TAF5: variants seen among roughly 807,000 people sequenced by gnomAD.
TAF5 encodes the protein TATA-box binding protein associated factor 5, also known as transcription initiation factor TFIID subunit 5.
TAF5 carries 20 observed loss-of-function variants against 80.9 expected under a neutral mutation model. The ratio of observed to expected loss-of-function variants is 0.25; its 90% CI spans 0.17 to 0.36. The LOEUF (loss-of-function observed/expected upper bound fraction) is 0.36. Among genes scored for constraint, TAF5 ranks in the 10% least tolerant of loss-of-function variants. TAF5 has a pLI of 1.00. For missense variants in TAF5, 863 were observed against 1,029.4 expected (o/e 0.84, Z 2.21); for synonymous variants, 388 against 406.4 (o/e 0.95, Z 0.55).
intron 2 of TAF5, among the ~76,000 whole-genome samples, chr10:103,375,855 T>C (rs7894768): frequency 0.43 from 65,751 of 151,504 alleles, 15,040 homozygotes; most frequent in South Asian, 0.66. Flanking sequence ...GTCAGGAGTT[T>C]GAGACCAGCC....
intron 2 of TAF5, among the ~76,000 whole-genome samples, chr10:103,377,205 T>C (rs1245817937): frequency 6.6e-6 from 1 of 152,226 alleles, no homozygotes; most frequent in South Asian, 2.1e-4. Context: ...TCTCCCCACA[T>C]AGGAAGCTGG....
intron 1 of TAF5, 61 bp from the exon 2 acceptor site, chr10:103,373,297 C>T: frequency 7.3e-7 from 1 of 1,364,064 alleles, no homozygotes; most frequent in African/African-American, 1.4e-5. Flanking sequence ...TTTAACAATA[C>T]AGCCATAGTC....
chr10:103,387,133 TCTA>T (rs2093398622), intron 8 of TAF5, 39 bp from the exon 9 acceptor site: 3 of 1,569,008 alleles, frequency 1.9e-6, no homozygotes, highest in African/African-American at 2.7e-5. Flanking sequence ...TTCACAGCTA[TCTA>T]CTAATTGTCA....
At chr10:103,384,616 A>G (rs1010052927) in intron 7 of TAF5, among the ~76,000 whole-genome samples, 4 of 152,220 alleles carry the variant, frequency 2.6e-5, no homozygotes, top group Non-Finnish European at 5.9e-5. Flanking sequence ...GGGTGATAAG[A>G]GCAAAACTCC....
At position 103,379,604 on chromosome 10, in the gene TAF5, G is replaced by A; in HGVS notation, c.1114-4G>A. On this transcript the variant is annotated splice_polypyrimidine_tract_variant and splice_region_variant and intron_variant, in intron 3 of 10. Coordinates refer to ENST00000369839, the MANE Select transcript of TAF5 (RefSeq NM_006951.5). Reference sequence around the variant, plus strand: ...TTAAAAATGTTGGCTCTTTTGACTTGTAGGTATTTTTTGGTTTATTAAAAG... The same window carrying A: ...TTAAAAATGTTGGCTCTTTTGACTTATAGGTATTTTTTGGTTTATTAAAAG... 1.3e-6 allele frequency: 2 copies of A among 1,573,994 alleles called. No individual in the cohort carries two copies. The highest frequency in any genetic ancestry group is 1.2e-5 in the South Asian group (1 of 82,992).
chr10:103,375,420 G>A (rs1592091807), intron 2 of TAF5, among the ~76,000 whole-genome samples: 1 of 152,218 alleles, frequency 6.6e-6, no homozygotes, highest in South Asian at 2.1e-4. Context: ...CTGGATAGGG[G>A]AGCCAATTCC....
In TAF5 at chr10:103,368,209, GC is replaced by G; in HGVS notation, c.224del (p.Pro75ArgfsTer69). The G allele has an allele frequency of 1.4e-6, 2 of 1,412,852 alleles. No individual in the cohort carries two copies. 87.5% of individuals were successfully genotyped at this position (1,412,852 alleles called of 1,614,324 possible). On this transcript the variant is annotated frameshift_variant, in exon 1 of 11. Transcript: ENST00000369839. LOFTEE classifies it high-confidence loss of function. ...GCCCACGGTGGCTGTCTCCGCCGCT[GC>G]CCCGGCGGGGGCGGCCCCGGTGCCC... ...PKPTVAVSAA[A>X]PAGAAPVPAA...
At chr10:103,371,288 AT>A (rs1283408012) in intron 1 of TAF5, among the ~76,000 whole-genome samples, 2 of 151,658 alleles carry the variant, frequency 1.3e-5, no homozygotes, top group Non-Finnish European at 2.9e-5. Flanking sequence ...TGAATGTTGA[AT>A]TTTGTGAATG....
In TAF5 at chr10:103,385,473, C is replaced by T. The variant is rs145434074; in HGVS notation, c.1812C>T (p.Gly604=). The T allele has an allele frequency of 1.8e-5, 29 of 1,613,812 alleles. No individual in the cohort carries two copies. The highest frequency in any genetic ancestry group is 2.5e-5 in the Non-Finnish European group (29 of 1,179,948). ...ATGGATATTATTTTGTGTCAGGGGG[C>T]CATGACCGAGTAGCTCGGTAAGAAC... The part of the protein sequence containing the change: ...SPYGYYFVSG[G]HDRVARLWAT... Residue 604 remains glycine, a synonymous_variant, in exon 8 of 11, where the codon GGC becomes GGT. Coordinates refer to ENST00000369839, the MANE Select transcript of TAF5 (RefSeq NM_006951.5).
In TAF5 at chr10:103,387,984, G is replaced by A. The variant is rs1028530067; in HGVS notation, c.2186-22G>A. 8.8e-6 allele frequency: 14 copies of A among 1,595,920 alleles called. No individual in the cohort carries two copies. In the East Asian group the frequency reaches 3.1e-4, roughly 36 times the overall value. ...GTAAATATGATGGATGCAACTAATG[G>A]TTTCCTTTGACTTCCCCTTAGGTTC... is the stretch of plus-strand genomic sequence containing the variant. On this transcript the variant is annotated intron_variant, in intron 10 of 10. Transcript: ENST00000369839.
intron 8 of TAF5, among the ~76,000 whole-genome samples, chr10:103,386,504 T>G (rs900446986): frequency 1.3e-5 from 2 of 152,174 alleles, no homozygotes; most frequent in South Asian, 4.1e-4. Flanking sequence ...AGACTAGGAA[T>G]AGAGGAGGAA....
chr10:103,381,061 GC>G (rs2093381719), intron 5 of TAF5, among the ~76,000 whole-genome samples: 1 of 150,022 alleles, frequency 6.7e-6, no homozygotes, highest in African/African-American at 2.5e-5. Flanking sequence ...TGATTCTCCT[GC>G]CTCAGCCTCC....
rs756663736 is a variant in TAF5 at position 103,387,285 on chromosome 10, C to T, written c.1940C>T (p.Ala647Val). The change falls in exon 9 of 11, where the codon GCA becomes GTA. Residue 647 changes from alanine to valine, a missense_variant. Physicochemically the swap from Ala to Val is moderately conservative, Grantham distance 64. Coordinates refer to ENST00000369839, the MANE Select transcript of TAF5 (RefSeq NM_006951.5). ...PNSNYVATGS[A>V]DRTVRLWDVL... The stretch of plus-strand genomic sequence containing the variant: ...TCTAATTATGTTGCTACGGGCTCTG[C>T]AGACAGAACTGTGCGGCTCTGGGAC... 9.9e-6 allele frequency: 16 copies of T among 1,614,044 alleles called. No individual in the cohort carries two copies. Among genetic ancestry groups the T allele is most frequent in the Admixed American group, 1.7e-5 (1 of 59,992 alleles).
In TAF5 at chr10:103,370,559, C is replaced by T. The variant is rs551666691; in HGVS notation, c.559+2011C>T. ...AGCCAGGATGGTCTCGATCTCCTGA[C>T]CTTGTGATCCACCCGCCTTGGTCTC... On this transcript the variant is annotated intron_variant, in intron 1 of 10. Transcript: ENST00000369839. Among the ~76,000 whole-genome samples the T allele has an allele frequency of 1.8e-4, 28 of 152,022 alleles. No individual in the cohort carries two copies. In the East Asian group the frequency reaches 5.5e-3, roughly 30 times the overall value.
chr10:103,368,623 T>G, intron 1 of TAF5, 75 bp downstream of exon 1: 1 of 1,404,674 alleles, frequency 7.1e-7, no homozygotes, highest in Non-Finnish European at 9.2e-7. Context: ...CTGGCAGGCC[T>G]GCACCTCTGC....
intron 6 of TAF5, among the ~76,000 whole-genome samples, chr10:103,382,637 G>T (rs1228400095): frequency 6.9e-6 from 1 of 144,546 alleles, no homozygotes; most frequent in Admixed American, 6.9e-5. Flanking sequence ...ATTTCCATAG[G>T]TTTTTTTTTT....
intron 2 of TAF5, 110 bp downstream of exon 2, chr10:103,373,705 G>C (rs1378661931): frequency 4.8e-6 from 4 of 830,734 alleles, no homozygotes; most frequent in Non-Finnish European, 7.3e-6. Context: ...AACTTAAAAA[G>C]TACGTTGTGA....
chr10:103,375,759 T>TA (rs1231524278), intron 2 of TAF5, among the ~76,000 whole-genome samples: 3 of 150,866 alleles, frequency 2.0e-5, no homozygotes, highest in Admixed American at 2.0e-4. Flanking sequence ...GGGAAAGGAG[T>TA]ATTTAAGAAG....
intron 7 of TAF5, among the ~76,000 whole-genome samples, chr10:103,384,467 TA>T (rs2093390964): frequency 6.6e-6 from 1 of 152,080 alleles, no homozygotes; most frequent in African/African-American, 2.4e-5. Flanking sequence ...CTGTCTCCAC[TA>T]AAAAGTACAA....
Sources: gnomAD v4.1 joint callset for allele counts (sites outside exome capture counted in the v4.1 genomes callset) on GRCh38, gnomAD v4.1.1 for gene constraint, MANE v1.5 for transcripts, NCBI Gene and HGNC (gene_info 2026-07-23, HGNC 2026-07-21) for gene names.